The following AGPAT3 variants were observed in gnomAD, a reference collection of about 807,000 sequenced individuals.
The protein encoded by AGPAT3 is 1-acyl-sn-glycerol-3-phosphate acyltransferase gamma.
AGPAT3 carries 5 observed loss-of-function variants against 47.3 expected under a neutral mutation model. The observed-to-expected ratio is 0.11, with a 90% confidence interval of 0.06 to 0.22. AGPAT3 has a LOEUF of 0.22. AGPAT3 is among the 10% of genes least tolerant of loss of function. The pLI is 1.00. For synonymous variants in AGPAT3, 212 were observed against 208.3 expected (o/e 1.02, Z -0.15); for missense variants, 315 against 493.0 (o/e 0.64, Z 3.42).
chr21:43,945,195 G>A (rs2087831146), intron 2 of AGPAT3, among the ~76,000 whole-genome samples: 1 of 152,198 alleles, frequency 6.6e-6, no homozygotes, highest in Non-Finnish European at 1.5e-5. Flanking sequence ...GGACTATGGT[G>A]ACAGGAAGTA....
rs1024961739 is a variant in AGPAT3 at position 43,933,991 on chromosome 21, G to C, written c.-48-25643G>C. ...GTCACTGTGTGGACTGGCCACACCT[G>C]GTGTGCCGCTTCCTTTCTCAGTCAT... On this transcript the variant is annotated intron_variant, in intron 2 of 9. Coordinates refer to ENST00000291572, the MANE Select transcript of AGPAT3 (RefSeq NM_020132.5). This position sits in a 1 kb window ranked among gnomAD's most constrained non-coding sequence, Gnocchi z 6.0. Among the ~76,000 whole-genome samples, 2 of 152,228 alleles carry C rather than the reference G, an allele frequency of 1.3e-5. No individual in the cohort carries two copies. Among genetic ancestry groups the C allele is most frequent in the African/African-American group, 2.4e-5 (1 of 41,454 alleles).
At chr21:43,942,295 G>C (rs80082143) in intron 2 of AGPAT3, among the ~76,000 whole-genome samples, 1 of 152,190 alleles carries the variant, frequency 6.6e-6, no homozygotes, top group African/African-American at 2.4e-5. Flanking sequence ...TAATAGGAGC[G>C]ATTCTGCATT....
At chr21:43,946,936 C>T (rs2146433770) in intron 2 of AGPAT3, 2 of 152,520 alleles carry the variant, frequency 1.3e-5, no homozygotes, top group East Asian at 1.9e-4. Context: ...GTCCATTGTG[C>T]AGTCATCAGG....
At chr21:43,894,217 C>CTTT (rs11370715) in intron 1 of AGPAT3, among the ~76,000 whole-genome samples, 2 of 140,230 alleles carry the variant, frequency 1.4e-5, no homozygotes, top group Admixed American at 7.0e-5. Context: ...TTCTTTCTTT[C>CTTT]TTTTTTTTTT....
chr21:43,884,137 C>T (rs559363828), intron 1 of AGPAT3, among the ~76,000 whole-genome samples: 8 of 152,246 alleles, frequency 5.3e-5, no homozygotes, highest in Non-Finnish European at 8.8e-5. Context: ...AGTCTCAGCT[C>T]GCAGGCCTTC....
At chr21:43,965,354 A>T (rs1386302521) in intron 3 of AGPAT3, 1 of 152,180 alleles carries the variant, frequency 6.6e-6, no homozygotes, top group African/African-American at 2.4e-5. Flanking sequence ...CTCTGCTGTC[A>T]TCTGATGTGC....
intron 2 of AGPAT3, among the ~76,000 whole-genome samples, chr21:43,958,991 C>CA (rs2088656930): frequency 1.5e-5 from 1 of 66,304 alleles, no homozygotes. Context: ...GTGTGGTTTG[C>CA]GGTGTGTGTG....
At chr21:43,872,438 C>T in intron 1 of AGPAT3, among the ~76,000 whole-genome samples, 1 of 152,160 alleles carries the variant, frequency 6.6e-6, no homozygotes, top group Non-Finnish European at 1.5e-5. Context: ...ACCTCGGCCT[C>T]CCAAAGTGTT....
rs1355272973 is a variant in AGPAT3, at chr21:43,934,990, C to T, written c.-48-24644C>T. ...CATTGACACGCCACCACGCCACTTACGCCACCCACGCTACTACCCATGCCA... is the reference window on the plus strand; with the variant it reads ...CATTGACACGCCACCACGCCACTTATGCCACCCACGCTACTACCCATGCCA... On this transcript the variant is annotated intron_variant, in intron 2 of 9. Coordinates refer to ENST00000291572, the MANE Select transcript of AGPAT3 (RefSeq NM_020132.5). The surrounding 1 kb of genome is among the most constrained non-coding windows in gnomAD (Gnocchi z 4.7). Among the ~76,000 whole-genome samples, 4 of 150,924 alleles carry T rather than the reference C, an allele frequency of 2.7e-5. No homozygotes were observed. Among genetic ancestry groups the T allele is most frequent in the East Asian group, 2.0e-4 (1 of 5,124 alleles).
chr21:43,871,913 C>A (rs2085633005), intron 1 of AGPAT3, among the ~76,000 whole-genome samples: 1 of 151,962 alleles, frequency 6.6e-6, no homozygotes, highest in African/African-American at 2.4e-5. Context: ...ATAATTTTAT[C>A]CATCCTTCTT....
chr21:43,876,519 C>T (rs2085737079), intron 1 of AGPAT3, among the ~76,000 whole-genome samples: 1 of 152,208 alleles, frequency 6.6e-6, no homozygotes, highest in African/African-American at 2.4e-5. Flanking sequence ...AGGCTGATTT[C>T]CTGGGCTCAC....
At chr21:43,942,013 A>G (rs2087674273) in intron 2 of AGPAT3, among the ~76,000 whole-genome samples, 3 of 152,184 alleles carry the variant, frequency 2.0e-5, no homozygotes, top group African/African-American at 4.8e-5. Context: ...CCACCTCCTC[A>G]CCCACAGCGT....
intron 2 of AGPAT3, among the ~76,000 whole-genome samples, chr21:43,957,588 G>A (rs1056748084): frequency 7.5e-5 from 11 of 147,270 alleles, no homozygotes; most frequent in Admixed American, 2.0e-4. Context: ...CCCTCCACAC[G>A]GGGTTTCCCC....
At chr21:43,897,790 G>A (rs1361884014) in intron 1 of AGPAT3, among the ~76,000 whole-genome samples, 4 of 152,180 alleles carry the variant, frequency 2.6e-5, no homozygotes, top group African/African-American at 7.2e-5. Context: ...CAAGGCAGGC[G>A]GCTAGGAGGT....
At position 43,952,320 on chromosome 21, in the gene AGPAT3, G is replaced by T. The variant is rs1211851386; in HGVS notation, c.-48-7314G>T. Among the ~76,000 whole-genome samples the T allele has an allele frequency of 6.6e-6, 1 of 152,128 alleles. No homozygotes were observed. Among genetic ancestry groups the T allele is most frequent in the Non-Finnish European group, 1.5e-5 (1 of 68,040 alleles). On this transcript the variant is annotated intron_variant, in intron 2 of 9. Transcript: ENST00000291572. The surrounding 1 kb of genome is among the most constrained non-coding windows in gnomAD (Gnocchi z 5.6). The stretch of plus-strand genomic sequence containing the variant: ...AGATGGAATCAGCGCCCACCCTGAT[G>T]ATATCATTTAACTTAATTACTGTGT...
rs554664104 is a variant in AGPAT3, at chr21:43,934,034, C to T, written c.-48-25600C>T. Among the ~76,000 whole-genome samples, 11 of 152,356 alleles carry T rather than the reference C, an allele frequency of 7.2e-5. No individual in the cohort carries two copies. Among genetic ancestry groups the T allele is most frequent in the Admixed American group, 4.6e-4 (7 of 15,302 alleles). ...TCAGTCATGGCCAGCTGCCGAATGC[C>T]GTACCAGGGCAGGGGCAGTGGAGCA... On this transcript the variant is annotated intron_variant, in intron 2 of 9. Transcript: ENST00000291572. This position sits in a 1 kb window ranked among gnomAD's most constrained non-coding sequence, Gnocchi z 4.7.
intron 2 of AGPAT3, 40 bp from the exon 3 acceptor site, chr21:43,959,594 C>T (rs770150984): frequency 8.0e-5 from 127 of 1,577,646 alleles, no homozygotes; most frequent in South Asian, 2.4e-4. Flanking sequence ...AGGGTGTGGG[C>T]GTGGCCACCC....
intron 2 of AGPAT3, among the ~76,000 whole-genome samples, chr21:43,940,201 G>A (rs905149899): frequency 2.6e-5 from 4 of 152,256 alleles, no homozygotes; most frequent in Non-Finnish European, 4.4e-5. Context: ...CCTGCTCCCC[G>A]CAGGTCCTTC....
chr21:43,981,468 C>T lies in AGPAT3; in HGVS notation c.1042+281C>T, dbSNP rs2089849111. 3.9e-6 allele frequency: 2 copies of T among 507,944 alleles called. No homozygotes were observed. The highest frequency in any genetic ancestry group is 4.4e-5 in the South Asian group (2 of 45,472). The allele number at this position is 507,944 out of a possible 1,614,324, so 31.5% of individuals were successfully genotyped here. On this transcript the variant is annotated intron_variant, in intron 9 of 9. Transcript: ENST00000291572. This position sits in a 1 kb window ranked among gnomAD's most constrained non-coding sequence, Gnocchi z 5.3. Reference sequence around the variant, plus strand: ...CCTTGAGGATGCCGACGAGAGGGTCCCCGAGAGGGTCCCCAGCCCCCCTGT... The same window carrying T: ...CCTTGAGGATGCCGACGAGAGGGTCTCCGAGAGGGTCCCCAGCCCCCCTGT...
Sources: gnomAD v4.1 joint callset for allele counts (sites outside exome capture counted in the v4.1 genomes callset) on GRCh38, gnomAD v4.1.1 for gene constraint, Gnocchi (gnomAD v3.1) non-coding constraint, MANE v1.5 for transcripts, NCBI Gene and HGNC (gene_info 2026-07-23, HGNC 2026-07-21) for gene names.